Variants in SH3KBP1 observed in about 807,000 individuals in gnomAD.
The protein encoded by SH3KBP1 is SH3 domain containing kinase binding protein 1.
SH3KBP1 carries 8 observed loss-of-function variants against 50.1 expected under a neutral mutation model. The ratio of observed to expected loss-of-function variants is 0.16; its 90% CI spans 0.09 to 0.29. SH3KBP1 has a LOEUF of 0.29. Ranked by LOEUF, SH3KBP1 falls within the 10% of genes least tolerant of loss-of-function variation. The probability of loss-of-function intolerance (pLI) is 1.00; values close to 1 mark genes in which losing one functional copy is unlikely to be tolerated. For missense variants in SH3KBP1, 377 were observed against 535.2 expected (o/e 0.70, Z 2.92); for synonymous variants, 227 against 218.6 (o/e 1.04, Z -0.34).
chrX:19,602,536 T>A (rs752405646), intron 9 of SH3KBP1, among the ~76,000 whole-genome samples: 1 of 112,428 alleles, frequency 8.9e-6, no homozygotes, highest in South Asian at 3.6e-4. Flanking sequence ...AAACCACCCA[T>A]GAAACTAAAT....
At chrX:19,882,781 A>T (rs1403689485) in intron 1 of SH3KBP1, among the ~76,000 whole-genome samples, 1 of 111,688 alleles carries the variant, frequency 9.0e-6, no homozygotes, top group Admixed American at 9.5e-5. Context: ...TGGAGGGTAA[A>T]GGATGCTGGG....
chrX:19,790,001 G>A (rs924219218), intron 2 of SH3KBP1, among the ~76,000 whole-genome samples: 1 of 109,735 alleles, frequency 9.1e-6, no homozygotes, highest in Admixed American at 9.7e-5. Flanking sequence ...GTCAGCCCTC[G>A]GGGCTCAAGG....
At chrX:19,725,746 C>A (rs1451421993) in intron 3 of SH3KBP1, among the ~76,000 whole-genome samples, 1 of 112,072 alleles carries the variant, frequency 8.9e-6, no homozygotes, top group Non-Finnish European at 1.9e-5. Flanking sequence ...CACTTCCCCA[C>A]TGGATGTAAA....
intron 3 of SH3KBP1, among the ~76,000 whole-genome samples, chrX:19,745,973 C>T (rs944113824): frequency 1.8e-5 from 2 of 112,241 alleles, no homozygotes; most frequent in East Asian, 2.8e-4. Flanking sequence ...AGGGAGAGTG[C>T]GGTCAGACAC....
At chrX:19,809,642 T>C (rs1011253068) in intron 2 of SH3KBP1, among the ~76,000 whole-genome samples, 6 of 112,647 alleles carry the variant, frequency 5.3e-5, no homozygotes, top group Non-Finnish European at 7.5e-5. Flanking sequence ...TAAATCAAAG[T>C]ATATGAAAAT....
intron 8 of SH3KBP1, among the ~76,000 whole-genome samples, chrX:19,617,773 C>T (rs1034764950): frequency 7.1e-5 from 8 of 111,939 alleles, no homozygotes; most frequent in Admixed American, 3.8e-4. Context: ...GGGGTGATTC[C>T]GGCCAGCTAA....
intron 5 of SH3KBP1, among the ~76,000 whole-genome samples, chrX:19,693,355 A>C (rs1415915458): frequency 8.9e-6 from 1 of 112,303 alleles, no homozygotes. Flanking sequence ...GAGAGAAAGA[A>C]GGATGGATAG....
At chrX:19,703,241 T>C (rs2063567663) in intron 4 of SH3KBP1, among the ~76,000 whole-genome samples, 1 of 111,794 alleles carries the variant, frequency 8.9e-6, no homozygotes, top group Admixed American at 9.5e-5. Context: ...AGCACACATT[T>C]GGTTAAATTG....
chrX:19,627,247 G>A (rs1323101071), intron 8 of SH3KBP1, among the ~76,000 whole-genome samples: 1 of 112,282 alleles, frequency 8.9e-6, no homozygotes, highest in Non-Finnish European at 1.9e-5. Context: ...ACTCTCCACA[G>A]CTGGGCTCAT....
intron 7 of SH3KBP1, among the ~76,000 whole-genome samples, chrX:19,634,031 GGTGTGTGT>G (rs60109180): frequency 0.12 from 3,802 of 32,124 alleles, 350 homozygotes; most frequent in East Asian, 0.18. Flanking sequence ...TTTGTTCCCT[GGTGTGTGT>G]GTGTGTGTGT....
At chrX:19,661,741 C>T (rs1337852230) in intron 6 of SH3KBP1, among the ~76,000 whole-genome samples, 5 of 108,173 alleles carry the variant, frequency 4.6e-5, no homozygotes, top group African/African-American at 1.7e-4. Context: ...ATTCTCCTGC[C>T]TCAGCCTCCT....
At chrX:19,583,147 A>ATTATTC (rs2066431279) in intron 12 of SH3KBP1, among the ~76,000 whole-genome samples, 1 of 103,598 alleles carries the variant, frequency 9.7e-6, no homozygotes, top group South Asian at 4.3e-4. Flanking sequence ...TATTATTATT[A>ATTATTC]TTATTATTAT....
At chrX:19,873,309 T>TAC (rs1240679728) in intron 1 of SH3KBP1, among the ~76,000 whole-genome samples, 3 of 97,077 alleles carry the variant, frequency 3.1e-5, no homozygotes, top group African/African-American at 1.3e-4. Flanking sequence ...TATATATATA[T>TAC]ATACATATAC....
At chrX:19,539,954 G>A (rs369801384) in intron 16 of SH3KBP1, among the ~76,000 whole-genome samples, 1 of 111,405 alleles carries the variant, frequency 9.0e-6, no homozygotes, top group African/African-American at 3.3e-5. Flanking sequence ...GTGGCAGCCC[G>A]GAAGCACAGG....
chrX:19,794,038 C>G (rs1453579926), intron 2 of SH3KBP1, among the ~76,000 whole-genome samples: 1 of 110,098 alleles, frequency 9.1e-6, no homozygotes, highest in African/African-American at 3.3e-5. Flanking sequence ...AATGTTAATG[C>G]GAGGACAACA....
intron 2 of SH3KBP1, among the ~76,000 whole-genome samples, chrX:19,770,350 T>C (rs1181122522): frequency 3.6e-5 from 4 of 112,237 alleles, no homozygotes; most frequent in Non-Finnish European, 1.9e-5. Flanking sequence ...GCTCCATCCG[T>C]GTTCCCACAA....
intron 13 of SH3KBP1, among the ~76,000 whole-genome samples, chrX:19,564,612 T>C (rs1169400442): frequency 9.1e-6 from 1 of 109,381 alleles, no homozygotes; most frequent in Non-Finnish European, 1.9e-5. Context: ...CACAGTCATG[T>C]CCTTGGTTGA....
At chrX:19,549,349 T>A (rs562205199) in intron 14 of SH3KBP1, among the ~76,000 whole-genome samples, 1 of 112,458 alleles carries the variant, frequency 8.9e-6, no homozygotes, top group South Asian at 3.7e-4. Context: ...ATACATTTTG[T>A]AGTTCAAATT....
intron 1 of SH3KBP1, among the ~76,000 whole-genome samples, chrX:19,838,831 G>A (rs1254778332): frequency 3.0e-5 from 3 of 99,764 alleles, no homozygotes; most frequent in Admixed American, 2.3e-4. Context: ...AGGTTGCGGT[G>A]AGCCAAGATC....
Sources: gnomAD v4.1 joint callset for allele counts (sites outside exome capture counted in the v4.1 genomes callset) on GRCh38, gnomAD v4.1.1 for gene constraint, MANE v1.5 for transcripts, NCBI Gene and HGNC (gene_info 2026-07-23, HGNC 2026-07-21) for gene names.